RIMBP2: variants seen among roughly 807,000 people sequenced by gnomAD.
The protein encoded by RIMBP2 is RIMS-binding protein 2.
A neutral mutation model predicts 118.6 loss-of-function variants in RIMBP2; 48 were observed. The observed-to-expected ratio is 0.40, with a 90% CI of 0.32 to 0.51. RIMBP2 has a LOEUF of 0.51. Ranked by LOEUF, RIMBP2 falls within the 20% of genes least tolerant of loss-of-function variation. The probability of loss-of-function intolerance (pLI) is 0.41; values close to 1 mark genes in which losing one functional copy is unlikely to be tolerated. For missense variants in RIMBP2, 1,551 were observed against 1,768.3 expected (o/e 0.88, Z 2.20); for synonymous variants, 762 against 742.9 (o/e 1.03, Z -0.42).
At chr12:130,665,420 G>A (rs2063873656) in intron 1 of RIMBP2, among the ~76,000 whole-genome samples, 1 of 151,418 alleles carries the variant, frequency 6.6e-6, no homozygotes. Flanking sequence ...AGCTACTTGG[G>A]AGGCTGAGGC....
intron 1 of RIMBP2, among the ~76,000 whole-genome samples, chr12:130,631,681 CAA>C (rs201707473): frequency 2.1e-4 from 29 of 135,050 alleles, no homozygotes; most frequent in East Asian, 1.7e-3. Context: ...ACTGGTAAGT[CAA>C]AAAAAAAAAA....
At chr12:130,438,335 A>AACCAACCCC in intron 12 of RIMBP2, 30 bp downstream of exon 12, 1 of 865,010 alleles carries the variant, frequency 1.2e-6, no homozygotes, top group Non-Finnish European at 1.9e-6. Context: ...GGCCTAACAA[A>AACCAACCCC]CCCTCCCCAC....
chr12:130,509,825 G>C (rs2050736551), intron 3 of RIMBP2, among the ~76,000 whole-genome samples: 2 of 151,964 alleles, frequency 1.3e-5, no homozygotes, highest in African/African-American at 4.8e-5. Flanking sequence ...ATTTGCTATT[G>C]TGACCCTGAT....
chr12:130,428,431 T>A (rs2076935210), intron 14 of RIMBP2, 94 bp from the exon 15 acceptor site: 5 of 1,353,166 alleles, frequency 3.7e-6, no homozygotes, highest in Admixed American at 2.1e-5. Flanking sequence ...CCTGCTTCGC[T>A]GACTCACGGG....
intron 6 of RIMBP2, among the ~76,000 whole-genome samples, chr12:130,460,152 G>C (rs993782602): frequency 6.6e-5 from 10 of 152,136 alleles, no homozygotes; most frequent in African/African-American, 2.4e-4. Flanking sequence ...CCCTGCACAG[G>C]GGCCGCTGTG....
chr12:130,703,587 C>G lies in RIMBP2; in HGVS notation c.-352+12635G>C, dbSNP rs1022296451. 6.6e-6 allele frequency among the ~76,000 whole-genome samples: 1 copy of G among 152,176 alleles called. No homozygotes were observed. Among genetic ancestry groups the G allele is most frequent in the Non-Finnish European group, 1.5e-5 (1 of 68,022 alleles). On this transcript the variant is annotated intron_variant, in intron 1 of 22. Transcript: ENST00000690449. This position sits in a 1 kb window ranked among gnomAD's most constrained non-coding sequence, Gnocchi z 5.7. ...CCCTGGCATGGGCTCCATCAGATCC[C>G]GTAATCGGATCCGGGCGCTTTAGCC...
At chr12:130,565,446 G>A (rs530667013) in intron 2 of RIMBP2, among the ~76,000 whole-genome samples, 2 of 152,288 alleles carry the variant, frequency 1.3e-5, no homozygotes, top group South Asian at 4.2e-4. Context: ...ATGCATCAAT[G>A]ATGTTGTTTC....
intron 2 of RIMBP2, among the ~76,000 whole-genome samples, chr12:130,573,962 C>T (rs1376095643): frequency 6.6e-6 from 1 of 151,808 alleles, no homozygotes; most frequent in Non-Finnish European, 1.5e-5. Flanking sequence ...GAAAGAGTTG[C>T]CAATTCTGAC....
chr12:130,683,575 C>A lies in RIMBP2; in HGVS notation c.-352+32647G>T, dbSNP rs2064901225. Among the ~76,000 whole-genome samples the A allele has an allele frequency of 6.6e-6, 1 of 152,178 alleles. No individual in the cohort carries two copies. Among genetic ancestry groups the A allele is most frequent in the African/African-American group, 2.4e-5 (1 of 41,444 alleles). ...CCCAGATGGTGAAGGCATTCTAAGT[C>A]ACTGGATGAGATAGGAGGTCGACAA... On this transcript the variant is annotated intron_variant, in intron 1 of 22. Coordinates refer to ENST00000690449, the MANE Select transcript of RIMBP2 (RefSeq NM_001393629.1). This position sits in a 1 kb window ranked among gnomAD's most constrained non-coding sequence, Gnocchi z 4.4.
chr12:130,497,366 G>A (rs2138595789), intron 4 of RIMBP2, among the ~76,000 whole-genome samples: 1 of 152,336 alleles, frequency 6.6e-6, no homozygotes. Context: ...GGGTCCACCA[G>A]TCCCTGCCTC....
In RIMBP2 at chr12:130,517,817, G is replaced by GT. The variant is rs2051634595; in HGVS notation, c.-127+10dup. The GT allele has an allele frequency of 3.1e-6, 3 of 980,018 alleles. No individual in the cohort carries two copies. The highest frequency in any genetic ancestry group is 3.6e-6 in the Non-Finnish European group (3 of 824,644). 60.7% of individuals were successfully genotyped at this position (980,018 alleles called of 1,614,324 possible). A position where few individuals can be genotyped will look rare whatever the true frequency, so the allele number is the denominator to read the frequency against. On this transcript the variant is annotated intron_variant, in intron 3 of 22. Coordinates refer to ENST00000690449, the MANE Select transcript of RIMBP2 (RefSeq NM_001393629.1). ...GGCCCCAGATGGTCTGTGGACAGTG[G>GT]TATCAGCTACCTTGTCATGCTGCCG...
chr12:130,530,464 A>G (rs2139313521), intron 2 of RIMBP2, among the ~76,000 whole-genome samples: 1 of 150,416 alleles, frequency 6.6e-6, no homozygotes, highest in South Asian at 2.1e-4. Context: ...TTATACAATA[A>G]GGCAGCTAAG....
rs141838716 is a variant in RIMBP2, at chr12:130,703,748, G to T, written c.-352+12474C>A. Among the ~76,000 whole-genome samples, 1 of 152,182 alleles carries T rather than the reference G, an allele frequency of 6.6e-6. No homozygotes were observed. Among genetic ancestry groups the T allele is most frequent in the Non-Finnish European group, 1.5e-5 (1 of 68,024 alleles). ...GTCATGTGTAGTATATTGGGAGTGC[G>T]TTTGAAACGGTGTTTCCTAGGGGAG... On this transcript the variant is annotated intron_variant, in intron 1 of 22. Transcript: ENST00000690449. The surrounding 1 kb of genome is among the most constrained non-coding windows in gnomAD (Gnocchi z 5.7).
chr12:130,570,234 C>T (rs910363705), intron 2 of RIMBP2, among the ~76,000 whole-genome samples: 8 of 151,906 alleles, frequency 5.3e-5, no homozygotes, highest in East Asian at 1.9e-4. Context: ...GATGAGCCTG[C>T]GCAACATGGT....
chr12:130,457,682 T>C (rs1205619400), intron 6 of RIMBP2, among the ~76,000 whole-genome samples: 1 of 152,234 alleles, frequency 6.6e-6, no homozygotes, highest in African/African-American at 2.4e-5. Flanking sequence ...TATTCGTTTC[T>C]TGTCGGTGTC....
chr12:130,636,200 C>G (rs929803753), intron 1 of RIMBP2, among the ~76,000 whole-genome samples: 8 of 152,168 alleles, frequency 5.3e-5, no homozygotes, highest in African/African-American at 1.9e-4. Context: ...ATGGCTGGCT[C>G]TATTGTCTTT....
chr12:130,701,990 G>C (rs1293260228), intron 1 of RIMBP2, among the ~76,000 whole-genome samples: 1 of 152,076 alleles, frequency 6.6e-6, no homozygotes, highest in African/African-American at 2.4e-5. Context: ...AATGCGGCAC[G>C]AAAGAGGCCC....
In RIMBP2 at chr12:130,412,799, G is replaced by A. The variant is rs1301814059; in HGVS notation, c.3421-12C>T. 1 of 1,603,602 alleles carries A rather than the reference G, an allele frequency of 6.2e-7. No homozygotes were observed. Among genetic ancestry groups the A allele is most frequent in the Non-Finnish European group, 8.5e-7 (1 of 1,174,970 alleles). ...TTATCACCATAAACCTAGAGCCAAG[G>A]GGGAAAATAAATCAAGCACTGTAAT... On this transcript the variant is annotated splice_polypyrimidine_tract_variant and intron_variant, in intron 18 of 22. Transcript: ENST00000690449.
intron 3 of RIMBP2, among the ~76,000 whole-genome samples, chr12:130,509,699 T>A (rs1429414370): frequency 2.0e-5 from 3 of 150,874 alleles, no homozygotes; most frequent in Admixed American, 2.0e-4. Flanking sequence ...CCCAACCTCC[T>A]TTGCAGGTGT....
Sources: gnomAD v4.1 joint callset for allele counts (sites outside exome capture counted in the v4.1 genomes callset) on GRCh38, gnomAD v4.1.1 for gene constraint, Gnocchi (gnomAD v3.1) non-coding constraint, MANE v1.5 for transcripts, NCBI Gene and HGNC (gene_info 2026-07-23, HGNC 2026-07-21) for gene names.